DCUN1D1: variants seen among roughly 807,000 people sequenced by gnomAD.
The protein encoded by DCUN1D1 is DCN1-like protein 1.
Under a neutral mutation model 39.0 loss-of-function variants are expected in DCUN1D1, and 3 were observed. That is an observed-to-expected ratio of 0.08 (90% CI 0.04 to 0.20). The LOEUF is 0.20. DCUN1D1 is among the 10% of genes least tolerant of loss of function. The probability of loss-of-function intolerance (pLI) is 1.00; values close to 1 mark genes in which losing one functional copy is unlikely to be tolerated. For missense variants in DCUN1D1, 158 were observed against 302.4 expected, an observed-to-expected ratio of 0.52 and a Z score of 3.54; for synonymous variants, 82 against 96.3, an observed-to-expected ratio of 0.85 and a Z score of 0.87.
At chr3:182,980,263 G>T in intron 1 of DCUN1D1, 1 of 304,090 alleles carries the variant, frequency 3.3e-6, no homozygotes, top group Non-Finnish European at 4.8e-6. Flanking sequence ...GCCCGGCTCC[G>T]CTCCGCCTCC....
intron 4 of DCUN1D1, among the ~76,000 whole-genome samples, chr3:182,960,048 C>A (rs1267311801): frequency 6.6e-6 from 1 of 152,198 alleles, no homozygotes; most frequent in Non-Finnish European, 1.5e-5. Flanking sequence ...CCACTCCTAG[C>A]CTGCAGAATC....
rs1288837129 is a variant in DCUN1D1 at position 182,951,023 on chromosome 3, AAAAAAAAAAAT to A, written c.521-3402_521-3392del. 1.5e-3 allele frequency: 220 copies of A among 150,772 alleles called. 1 individual carries two copies. Among genetic ancestry groups the A allele is most frequent in the African/African-American group, 4.5e-3 (186 of 41,248 alleles). 9.3% of individuals were successfully genotyped at this position (150,772 alleles called of 1,614,324 possible). A position where few individuals can be genotyped will look rare whatever the true frequency, so the allele number is the denominator to read the frequency against. Reference sequence around the variant, plus strand: ...CTCTGTCTCAAAAAAAAAAAAAAAAAAAAAAAAAAATACATAACACCAATTTCTAATGGCAC... The same window carrying A: ...CTCTGTCTCAAAAAAAAAAAAAAAAAACATAACACCAATTTCTAATGGCAC... On this transcript the variant is annotated intron_variant, in intron 4 of 6. Coordinates refer to ENST00000292782, the MANE Select transcript of DCUN1D1 (RefSeq NM_020640.4).
intron 4 of DCUN1D1, among the ~76,000 whole-genome samples, chr3:182,960,425 C>T (rs1479260049): frequency 1.3e-5 from 2 of 152,200 alleles, no homozygotes; most frequent in Admixed American, 6.5e-5. Flanking sequence ...CAAAGCCAAG[C>T]TTATTGCTGA....
At chr3:182,957,437 G>A (rs1577174346) in intron 4 of DCUN1D1, among the ~76,000 whole-genome samples, 1 of 152,262 alleles carries the variant, frequency 6.6e-6, no homozygotes, top group East Asian at 1.9e-4. Context: ...GGCCAGCCTG[G>A]GCAACACGGT....
chr3:182,983,704 C>T (rs1186822598), upstream of DCUN1D1, among the ~76,000 whole-genome samples: 2 of 151,664 alleles, frequency 1.3e-5, no homozygotes, highest in African/African-American at 2.4e-5. Flanking sequence ...TGAGATTCCA[C>T]CTCAAAGAAA....
intron 1 of DCUN1D1, among the ~76,000 whole-genome samples, chr3:182,975,748 G>T (rs1293699204): frequency 2.0e-5 from 3 of 150,348 alleles, no homozygotes; most frequent in African/African-American, 7.4e-5. Context: ...AGGGTCAGGG[G>T]GAGATAAAAG....
chr3:182,972,899 G>A (rs534624868), intron 1 of DCUN1D1, among the ~76,000 whole-genome samples: 2 of 152,084 alleles, frequency 1.3e-5, no homozygotes, highest in African/African-American at 2.4e-5. Flanking sequence ...AAAATTAGCC[G>A]GGCATGGTGG....
chr3:182,965,921 T>C (rs1165785485), intron 1 of DCUN1D1, among the ~76,000 whole-genome samples, 168 bp from the exon 2 acceptor site: 6 of 152,104 alleles, frequency 3.9e-5, no homozygotes, highest in African/African-American at 1.4e-4. Context: ...AGGCTAACTT[T>C]TAAAAAATAT....
intron 1 of DCUN1D1, among the ~76,000 whole-genome samples, chr3:182,967,564 C>T (rs2108382533): frequency 6.6e-6 from 1 of 152,282 alleles, no homozygotes; most frequent in East Asian, 1.9e-4. Context: ...AAATATGTTA[C>T]TGTTAGGATT....
At chr3:182,955,248 G>T in intron 4 of DCUN1D1, 1 of 514,308 alleles carries the variant, frequency 1.9e-6, no homozygotes, top group East Asian at 5.2e-5. Context: ...ATTCACTTGA[G>T]GGTCTCCTCC....
At chr3:182,955,655 C>T (rs1727010924) in intron 4 of DCUN1D1, 2 of 377,106 alleles carry the variant, frequency 5.3e-6, no homozygotes, top group Admixed American at 3.3e-5. Flanking sequence ...GCGATCTCGG[C>T]TCACTGCAAC....
intron 1 of DCUN1D1, among the ~76,000 whole-genome samples, chr3:182,975,424 C>T (rs1221020689): frequency 6.6e-6 from 1 of 151,960 alleles, no homozygotes; most frequent in East Asian, 1.9e-4. Flanking sequence ...GATCCGCCCG[C>T]CTCAGCCCCC....
At chr3:182,985,277 C>A (rs923811390), upstream of DCUN1D1, among the ~76,000 whole-genome samples, 1 of 152,172 alleles carries the variant, frequency 6.6e-6, no homozygotes. Flanking sequence ...GGCTCACCCC[C>A]CAGTGTTACT....
chr3:182,964,311 T>C (rs1374368629), intron 2 of DCUN1D1, among the ~76,000 whole-genome samples: 4 of 152,224 alleles, frequency 2.6e-5, no homozygotes, highest in Non-Finnish European at 5.9e-5. Context: ...CCCATACTTA[T>C]ACACATTCAG....
At chr3:182,984,706 T>C (rs976549028), upstream of DCUN1D1, among the ~76,000 whole-genome samples, 2 of 152,198 alleles carry the variant, frequency 1.3e-5, no homozygotes, top group African/African-American at 4.8e-5. Context: ...CCACAAAAGC[T>C]TAAAAATTCA....
At chr3:182,955,064 G>A (rs183710830) in intron 4 of DCUN1D1, among the ~76,000 whole-genome samples, 2 of 148,586 alleles carry the variant, frequency 1.3e-5, no homozygotes, top group African/African-American at 5.0e-5. Context: ...TTTTGAGACT[G>A]AGCCTCGCTC....
chr3:182,958,836 T>C lies in DCUN1D1; in HGVS notation c.520+2390A>G, dbSNP rs558359899. 3.9e-5 allele frequency among the ~76,000 whole-genome samples: 6 copies of C among 152,284 alleles called. No homozygotes were observed. The East Asian group carries it at 1.2e-3, about 29-fold the overall frequency. On this transcript the variant is annotated intron_variant, in intron 4 of 6. Transcript: ENST00000292782. ...ATAAAAATTTAATTTTGCTCAATTCTTACCACAAGTAATAAAAACTAAGAT... is the reference window on the plus strand; with the variant it reads ...ATAAAAATTTAATTTTGCTCAATTCCTACCACAAGTAATAAAAACTAAGAT...
intron 4 of DCUN1D1, among the ~76,000 whole-genome samples, chr3:182,959,501 CAAAAAAAA>C (rs11373344): frequency 1.2e-5 from 1 of 81,138 alleles, no homozygotes; most frequent in Non-Finnish European, 2.2e-5. Context: ...CTTCAAAAAC[CAAAAAAAA>C]AAAAAAAAAA....
intron 1 of DCUN1D1, among the ~76,000 whole-genome samples, chr3:182,973,042 CA>C (rs200893514): frequency 6.8e-6 from 1 of 146,064 alleles, no homozygotes; most frequent in African/African-American, 2.6e-5. Context: ...AACTCCGTCT[CA>C]AAAAAAAAGG....
Sources: allele counts gnomAD v4.1 joint callset (sites outside exome capture counted in the v4.1 genomes callset), GRCh38; gene constraint gnomAD v4.1.1; transcripts MANE v1.5; gene names NCBI Gene and HGNC (gene_info 2026-07-23, HGNC 2026-07-21).